ARHGAP42: variants seen among roughly 807,000 people sequenced by gnomAD.
ARHGAP42 encodes Rho GTPase activating protein 42.
Under a neutral mutation model 125.0 loss-of-function variants are expected in ARHGAP42, and 63 were observed. That is an observed-to-expected ratio of 0.50 (90% CI 0.41 to 0.62). The LOEUF (loss-of-function observed/expected upper bound fraction) is 0.62. Ranked by LOEUF, ARHGAP42 falls within the 20% of genes least tolerant of loss-of-function variation. The pLI is 0.00. For missense variants in ARHGAP42, 766 were observed against 1,024.2 expected (o/e 0.75, Z 3.44); for synonymous variants, 339 against 351.0 (o/e 0.97, Z 0.38).
In ARHGAP42 at chr11:100,993,844, C is replaced by T. The variant is rs894842025; in HGVS notation, c.*5043C>T. 6.6e-5 allele frequency: 11 copies of T among 166,982 alleles called. No homozygotes were observed. The highest frequency in any genetic ancestry group is 1.6e-4 in the Non-Finnish European group (11 of 68,108). 10.3% of individuals were successfully genotyped at this position (166,982 alleles called of 1,614,324 possible). ...ACATATGCCAACATGTAAATAACCT[C>T]ATGTTTATTCCTAATCTAAATTGCC... On this transcript the variant is annotated 3_prime_UTR_variant, in exon 24 of 24. Coordinates refer to ENST00000298815, the MANE Select transcript of ARHGAP42 (RefSeq NM_152432.4).
At chr11:100,741,436 A>C in intron 1 of ARHGAP42, among the ~76,000 whole-genome samples, 1 of 152,162 alleles carries the variant, frequency 6.6e-6, no homozygotes, top group East Asian at 1.9e-4. Context: ...GAATAGAGAG[A>C]GGGTGAGAAA....
chr11:100,949,805 A>G (rs570321305), intron 11 of ARHGAP42, 112 bp from the exon 12 acceptor site: 214 of 607,080 alleles, frequency 3.5e-4, no homozygotes, highest in Non-Finnish European at 4.3e-4. Context: ...CAGTTGTAGG[A>G]CCTTGAAATC....
chr11:100,757,267 A>G (rs1394806818), intron 1 of ARHGAP42, among the ~76,000 whole-genome samples: 1 of 152,198 alleles, frequency 6.6e-6, no homozygotes, highest in African/African-American at 2.4e-5. Context: ...GGTGGTATAG[A>G]AAGAGGGTTG....
At chr11:100,830,529 G>A (rs1864640846) in intron 3 of ARHGAP42, among the ~76,000 whole-genome samples, 1 of 152,154 alleles carries the variant, frequency 6.6e-6, no homozygotes, top group African/African-American at 2.4e-5. Flanking sequence ...TGTCAGGCTT[G>A]CTGCGGACCT....
intron 1 of ARHGAP42, among the ~76,000 whole-genome samples, chr11:100,750,378 T>G (rs1035751794): frequency 3.3e-5 from 5 of 150,876 alleles, no homozygotes; most frequent in African/African-American, 1.2e-4. Flanking sequence ...TACGATTGGC[T>G]AATTTAAAGA....
intron 1 of ARHGAP42, among the ~76,000 whole-genome samples, chr11:100,724,263 T>C (rs964096465): frequency 6.6e-6 from 1 of 152,128 alleles, no homozygotes; most frequent in Non-Finnish European, 1.5e-5. Flanking sequence ...TCGTGGGAGA[T>C]ATTGGTCTGT....
intron 4 of ARHGAP42, among the ~76,000 whole-genome samples, chr11:100,891,439 CTTTT>C (rs142290529): frequency 7.6e-5 from 8 of 104,956 alleles, no homozygotes; most frequent in Admixed American, 3.2e-4. Context: ...AAAGCATCGA[CTTTT>C]TTTTTTTTTT....
At chr11:100,765,630 A>G (rs1565204623) in intron 1 of ARHGAP42, among the ~76,000 whole-genome samples, 1 of 152,192 alleles carries the variant, frequency 6.6e-6, no homozygotes, top group Admixed American at 6.5e-5. Context: ...GCCCTCTGTT[A>G]TGATTAATTA....
intron 1 of ARHGAP42, among the ~76,000 whole-genome samples, chr11:100,762,111 C>A (rs188169279): frequency 2.0e-5 from 3 of 152,150 alleles, no homozygotes; most frequent in Admixed American, 1.3e-4. Context: ...CATAAGACAT[C>A]GAAAACAGAT....
At chr11:100,912,144 A>G (rs1017507694) in intron 4 of ARHGAP42, among the ~76,000 whole-genome samples, 1 of 152,166 alleles carries the variant, frequency 6.6e-6, no homozygotes, top group Non-Finnish European at 1.5e-5. Context: ...TTTCCTAGAT[A>G]GATAAACCTG....
intron 21 of ARHGAP42, among the ~76,000 whole-genome samples, chr11:100,978,713 G>T (rs185771997): frequency 6.6e-6 from 1 of 152,236 alleles, no homozygotes; most frequent in Non-Finnish European, 1.5e-5. Context: ...TCCTTTTACT[G>T]CTCCCATGGT....
At chr11:100,717,036 A>G (rs1203469061) in intron 1 of ARHGAP42, among the ~76,000 whole-genome samples, 1 of 152,176 alleles carries the variant, frequency 6.6e-6, no homozygotes, top group Non-Finnish European at 1.5e-5. Context: ...ATCACTAAAC[A>G]TTTATCATCT....
intron 8 of ARHGAP42, 66 bp from the exon 9 acceptor site, chr11:100,941,718 A>T: frequency 1.1e-6 from 1 of 935,948 alleles, no homozygotes; most frequent in Non-Finnish European, 1.6e-6. Context: ...GCACTGGAGA[A>T]TGTGCAAACT....
chr11:100,940,568 A>G (rs962772320), intron 8 of ARHGAP42, among the ~76,000 whole-genome samples: 7 of 152,182 alleles, frequency 4.6e-5, no homozygotes, highest in African/African-American at 7.2e-5. Flanking sequence ...CATGGGTGCT[A>G]TGGGAAAGGG....
chr11:100,895,207 G>T (rs1298553461), intron 4 of ARHGAP42, among the ~76,000 whole-genome samples: 1 of 152,162 alleles, frequency 6.6e-6, no homozygotes, highest in East Asian at 1.9e-4. Context: ...AGTGTTTACA[G>T]AATTGGCTAA....
intron 3 of ARHGAP42, among the ~76,000 whole-genome samples, chr11:100,822,527 C>T (rs960780972): frequency 6.6e-6 from 1 of 152,104 alleles, no homozygotes; most frequent in South Asian, 2.1e-4. Flanking sequence ...ATCTTGCTTT[C>T]AAATTTCCTT....
At chr11:100,828,027 C>T (rs963699431) in intron 3 of ARHGAP42, among the ~76,000 whole-genome samples, 18 of 152,182 alleles carry the variant, frequency 1.2e-4, no homozygotes, top group Admixed American at 1.0e-3. Flanking sequence ...TCCCTGAGAG[C>T]AGGTGAAGGA....
intron 3 of ARHGAP42, among the ~76,000 whole-genome samples, chr11:100,820,757 G>T (rs902543092): frequency 2.6e-5 from 4 of 152,022 alleles, no homozygotes; most frequent in Admixed American, 2.6e-4. Context: ...TAACTATAGA[G>T]GCTTAGTTTG....
At chr11:100,973,842 A>G (rs1036810176) in intron 18 of ARHGAP42, among the ~76,000 whole-genome samples, 12 of 152,216 alleles carry the variant, frequency 7.9e-5, no homozygotes, top group Non-Finnish European at 1.8e-4. Context: ...GAACCATTTA[A>G]GGTCTAACAA....
Sources: gnomAD v4.1 joint callset for allele counts (sites outside exome capture counted in the v4.1 genomes callset) on GRCh38, gnomAD v4.1.1 for gene constraint, MANE v1.5 for transcripts, NCBI Gene and HGNC (gene_info 2026-07-23, HGNC 2026-07-21) for gene names.